RANGAP1: variants seen among roughly 807,000 people sequenced by gnomAD.
RANGAP1 encodes the protein ran GTPase-activating protein 1.
Under a neutral mutation model 63.5 loss-of-function variants are expected in RANGAP1, and 38 were observed. The ratio of observed to expected loss-of-function variants is 0.60; its 90% CI spans 0.46 to 0.78. The LOEUF (loss-of-function observed/expected upper bound fraction) is 0.78, where lower values mean the gene tolerates loss of function less well. RANGAP1 is among the 30% of genes least tolerant of loss of function. The pLI is 0.00. For missense variants in RANGAP1, 630 were observed against 740.3 expected (o/e 0.85, Z 1.73); for synonymous variants, 329 against 310.5 (o/e 1.06, Z -0.63).
intron 6 of RANGAP1, among the ~76,000 whole-genome samples, chr22:41,260,851 C>T (rs1250737311): frequency 6.6e-6 from 1 of 152,056 alleles, no homozygotes; most frequent in Non-Finnish European, 1.5e-5. Context: ...TCAAAAAAAA[C>T]AGGAAAGAGA....
chr22:41,249,636 C>A, intron 14 of RANGAP1, 93 bp downstream of exon 14: 2 of 1,534,596 alleles, frequency 1.3e-6, no homozygotes, highest in South Asian at 2.3e-5. Flanking sequence ...GCTCAGGACT[C>A]GAGGTGAGGG....
At chr22:41,253,033 C>G in intron 11 of RANGAP1, 42 bp from the exon 12 acceptor site, 1 of 1,390,484 alleles carries the variant, frequency 7.2e-7, no homozygotes, top group East Asian at 2.9e-5. Flanking sequence ...ATTCCGGACC[C>G]CAGACTCCCC....
chr22:41,293,785 AAG>A, the RANGAP1 span, among the ~76,000 whole-genome samples: 1 of 140,198 alleles, frequency 7.1e-6, no homozygotes, highest in Non-Finnish European at 1.6e-5. Flanking sequence ...AAAAAAAGAA[AAG>A]AAATAATTTT....
rs2033040572 is a variant in RANGAP1, at chr22:41,246,511, T to C, written c.*92A>G. 1.5e-6 allele frequency: 2 copies of C among 1,370,892 alleles called. No individual in the cohort carries two copies. Among genetic ancestry groups the C allele is most frequent in the Non-Finnish European group, 1.0e-6 (1 of 990,510 alleles). The allele number at this position is 1,370,892 out of a possible 1,614,324, so 84.9% of individuals were successfully genotyped here. On this transcript the variant is annotated 3_prime_UTR_variant, in exon 16 of 16. Coordinates refer to ENST00000356244, the MANE Select transcript of RANGAP1 (RefSeq NM_002883.4). ...CCCGCCCTGCCTGTGGCCAGAGTCCTGTCCAAGGCAATGGCGTAGGCTGCG... is the reference window on the plus strand; with the variant it reads ...CCCGCCCTGCCTGTGGCCAGAGTCCCGTCCAAGGCAATGGCGTAGGCTGCG...
intron 12 of RANGAP1, among the ~76,000 whole-genome samples, chr22:41,251,798 T>C (rs1212469598): frequency 6.6e-6 from 1 of 152,162 alleles, no homozygotes; most frequent in East Asian, 1.9e-4. Flanking sequence ...TTTTAAGTGC[T>C]ACATCCACAC....
the RANGAP1 span, among the ~76,000 whole-genome samples, chr22:41,294,585 G>T: frequency 7.0e-6 from 1 of 143,284 alleles, no homozygotes; most frequent in African/African-American, 2.6e-5. Flanking sequence ...CTGCCCAGCC[G>T]CCATCCCATC....
At chr22:41,265,568 CA>C (rs2034419471) in intron 4 of RANGAP1, among the ~76,000 whole-genome samples, 2 of 152,140 alleles carry the variant, frequency 1.3e-5, no homozygotes, top group African/African-American at 4.8e-5. Flanking sequence ...CAAATGCCTC[CA>C]GGGTTTCTGG....
chr22:41,299,277 C>T, the RANGAP1 span, among the ~76,000 whole-genome samples: 23 of 152,136 alleles, frequency 1.5e-4, no homozygotes, highest in African/African-American at 5.3e-4. Context: ...GGACTACAGG[C>T]GCCCGCCACC....
At chr22:41,287,067 G>C (rs1239057618), upstream of RANGAP1, among the ~76,000 whole-genome samples, 4 of 152,106 alleles carry the variant, frequency 2.6e-5, no homozygotes, top group East Asian at 7.7e-4. Context: ...AGCAAAACTT[G>C]ACTATATTAG....
the RANGAP1 span, among the ~76,000 whole-genome samples, chr22:41,297,497 C>T: frequency 1.3e-5 from 2 of 151,678 alleles, no homozygotes; most frequent in Non-Finnish European, 2.9e-5. Flanking sequence ...CAGACCCTTT[C>T]AGTTGGGTAC....
chr22:41,248,127 C>T (rs1352956878), intron 15 of RANGAP1, among the ~76,000 whole-genome samples: 2 of 137,532 alleles, frequency 1.5e-5, no homozygotes, highest in African/African-American at 5.4e-5. Context: ...GGGCAAAGCT[C>T]GGCACTGCAG....
chr22:41,277,134 G>A (rs1477608661), intron 2 of RANGAP1, among the ~76,000 whole-genome samples: 1 of 128,228 alleles, frequency 7.8e-6, no homozygotes, highest in Admixed American at 8.4e-5. Context: ...CTGGAGTGCA[G>A]TGGCGGGATC....
At chr22:41,249,973 C>T (rs139418494) in intron 13 of RANGAP1, among the ~76,000 whole-genome samples, 156 bp from the exon 14 acceptor site, 1 of 152,360 alleles carries the variant, frequency 6.6e-6, no homozygotes, top group East Asian at 1.9e-4. Flanking sequence ...GACACAGGAA[C>T]CAGAGGGAGT....
intron 2 of RANGAP1, 167 bp downstream of exon 2, chr22:41,280,766 A>C (rs1227733582): frequency 6.5e-7 from 1 of 1,527,418 alleles, no homozygotes; most frequent in South Asian, 1.2e-5. Flanking sequence ...GCTCCTGGGC[A>C]AATGATCTCT....
intron 1 of RANGAP1, chr22:41,285,624 C>A: frequency 1.0e-6 from 1 of 985,404 alleles, no homozygotes; most frequent in Non-Finnish European, 1.2e-6. Flanking sequence ...GGGAGCGACG[C>A]GCGAATACAG....
intron 2 of RANGAP1, among the ~76,000 whole-genome samples, chr22:41,280,277 G>A (rs1049095734): frequency 1.3e-5 from 2 of 152,204 alleles, no homozygotes; most frequent in African/African-American, 2.4e-5. Flanking sequence ...CAGTTCCCCT[G>A]GTTGGGCCAG....
chr22:41,274,706 A>C lies in RANGAP1; in HGVS notation c.134T>G (p.Ile45Ser). The C allele has an allele frequency of 6.2e-7, 1 of 1,614,142 alleles. No individual in the cohort carries two copies. Among genetic ancestry groups the C allele is most frequent in the Non-Finnish European group, 8.5e-7 (1 of 1,180,016 alleles). ...AEDAKDVIKE[I>S]EDFDSLEALR... ...AGCCTCCAAGCTGTCAAAGTCTTCA[A>C]TCTCTTTAATCACATCTTTAGCTGC... is the stretch of plus-strand genomic sequence containing the variant. Residue 45 changes from isoleucine (I) to serine (S), a missense_variant, in exon 3 of 16, where the codon ATT becomes AGT. Physicochemically the swap from Ile to Ser is moderately radical, Grantham distance 142 (BLOSUM62 -2). This residue lies in a region of RANGAP1 where 65 missense variants were observed against 60.5 expected (regional missense o/e 1.07). Transcript: ENST00000356244.
At chr22:41,268,021 TAAAGCATGAGA>T in intron 4 of RANGAP1, 65 bp downstream of exon 4, 2 of 1,402,602 alleles carry the variant, frequency 1.4e-6, no homozygotes, top group African/African-American at 2.9e-5. Context: ...CCAGAAAGAA[TAAAGCATGAGA>T]AAAGCCCTGG....
upstream of RANGAP1, among the ~76,000 whole-genome samples, chr22:41,289,438 A>G (rs1277253783): frequency 3.3e-5 from 5 of 151,644 alleles, no homozygotes; most frequent in Admixed American, 6.6e-5. Flanking sequence ...CCTGGCCAAC[A>G]TGGTGAAACC....
Sources: gnomAD v4.1 joint callset for allele counts (sites outside exome capture counted in the v4.1 genomes callset) on GRCh38, gnomAD v4.1.1 for gene constraint, gnomAD v4.1.1 regional missense constraint, MANE v1.5 for transcripts, NCBI Gene and HGNC (gene_info 2026-07-23, HGNC 2026-07-21) for gene names.